The following GLI4 variants were observed in gnomAD, a reference collection of about 807,000 sequenced individuals.
GLI4 encodes zinc finger protein GLI4.
A neutral mutation model predicts 30.9 loss-of-function variants in GLI4; 34 were observed. The ratio of observed to expected loss-of-function variants is 1.10; its 90% confidence interval spans 0.84 to 1.47. The LOEUF is 1.47. Among genes scored for constraint, GLI4 ranks in the 40% most tolerant of loss-of-function variants. The probability of loss-of-function intolerance (pLI) is 0.00; values close to 1 mark genes in which losing one functional copy is unlikely to be tolerated. For missense variants in GLI4, 696 were observed against 538.9 expected (o/e 1.29, Z -2.89); for synonymous variants, 277 against 236.7 (o/e 1.17, Z -1.56).
chr8:143,275,783 CCTT>C (rs1183208555), intron 3 of GLI4, 111 bp from the exon 4 acceptor site: 3 of 1,242,294 alleles, frequency 2.4e-6, no homozygotes, highest in Non-Finnish European at 2.0e-6. Context: ...CCTGGCCCCT[CCTT>C]GTCCCCTCTA....
chr8:143,274,322 T>G (rs1233488517), intron 2 of GLI4: 1 of 164,778 alleles, frequency 6.1e-6, no homozygotes, highest in East Asian at 1.7e-4. Context: ...GCCAGCACTT[T>G]GAGAGGCCGG....
intron 1 of GLI4, among the ~76,000 whole-genome samples, chr8:143,268,852 GC>G (rs1209324581): frequency 8.3e-4 from 122 of 146,850 alleles, no homozygotes; most frequent in African/African-American, 2.7e-3. Flanking sequence ...TGCTGCTGCT[GC>G]TGCTGCTGTT....
At chr8:143,268,547 TC>T (rs1815191742) in intron 1 of GLI4, among the ~76,000 whole-genome samples, 1 of 152,162 alleles carries the variant, frequency 6.6e-6, no homozygotes, top group Non-Finnish European at 1.5e-5. Flanking sequence ...AGAGTTGCCC[TC>T]TGGAAACGTC....
chr8:143,276,771 C>T lies in GLI4; in HGVS notation c.1098C>T (p.Leu366=), dbSNP rs1299481203. The change falls in exon 4 of 4, where the codon CTC becomes CTT. Residue 366 remains leucine, a synonymous_variant. Transcript: ENST00000340042. ...AGGCCTTCGGCCAGAGCTCCCAGCTCATCCAGCACCAGCGGGTGCACTACC... is the reference window on the plus strand; with the variant it reads ...AGGCCTTCGGCCAGAGCTCCCAGCTTATCCAGCACCAGCGGGTGCACTACC... ...CGKAFGQSSQ[L]IQHQRVHYRE The T allele has an allele frequency of 1.3e-6, 2 of 1,595,604 alleles. No homozygotes were observed. The highest frequency in any genetic ancestry group is 2.3e-5 in the East Asian group (1 of 44,352).
rs1815374484 is a variant in GLI4 at position 143,275,929 on chromosome 8, T to C, written c.256T>C (p.Ser86Pro). The change falls in exon 4 of 4, where the codon TCT becomes CCT. Residue 86 changes from serine to proline, a missense_variant. Transcript: ENST00000340042. ...SEPKPEQAPRSPGSQAPDEGA... is the reference protein window; with the variant it reads ...SEPKPEQAPRPPGSQAPDEGA... ...GCCCAAGCCGGAGCAGGCTCCACGCTCTCCTGGCTCTCAGGCCCCTGACGA... is the reference window on the plus strand; with the variant it reads ...GCCCAAGCCGGAGCAGGCTCCACGCCCTCCTGGCTCTCAGGCCCCTGACGA... 3 of 1,320,310 alleles carry C rather than the reference T, an allele frequency of 2.3e-6. No homozygotes were observed. The African/African-American group carries it at 4.6e-5, about 20-fold the overall frequency. 81.8% of individuals were successfully genotyped at this position (1,320,310 alleles called of 1,614,324 possible).
chr8:143,271,664 T>C (rs1815270635), intron 2 of GLI4, among the ~76,000 whole-genome samples: 1 of 152,110 alleles, frequency 6.6e-6, no homozygotes, highest in South Asian at 2.1e-4. Flanking sequence ...TGTGGTCACC[T>C]CAGGAGCCTC....
At position 143,275,540 on chromosome 8, in the gene GLI4, G is replaced by A. The variant is rs940762347; in HGVS notation, c.224-357G>A. The A allele has an allele frequency of 5.5e-6, 7 of 1,261,420 alleles. No individual in the cohort carries two copies. In the African/African-American group the frequency reaches 7.7e-5, roughly 14 times the overall value. The allele number at this position is 1,261,420 out of a possible 1,614,324, so 78.1% of individuals were successfully genotyped here. A position where few individuals can be genotyped will look rare whatever the true frequency, so the allele number is the denominator to read the frequency against. ...TTGAGGCGCCCTCTGGAGCTCTGGC[G>A]TCCCCCAGGCTCCGGGTCCTCACCA... On this transcript the variant is annotated intron_variant, in intron 3 of 3. Transcript: ENST00000340042.
In GLI4 at chr8:143,274,812, C is replaced by G; in HGVS notation, c.223+10C>G. On this transcript the variant is annotated intron_variant, in intron 3 of 3. Coordinates refer to ENST00000340042, the MANE Select transcript of GLI4 (RefSeq NM_138465.4). Reference sequence around the variant, plus strand: ...GACACCTTCTGGCCCGGTGAGTGAGCAGAATCGGGTTACTGGGGGACCAGA... The same window carrying G: ...GACACCTTCTGGCCCGGTGAGTGAGGAGAATCGGGTTACTGGGGGACCAGA... 6.5e-7 allele frequency: 1 copy of G among 1,547,652 alleles called. No homozygotes were observed. The highest frequency in any genetic ancestry group is 8.8e-7 in the Non-Finnish European group (1 of 1,141,664).
Position 143,274,736 on chromosome 8 carries a change from C to T in GLI4, c.157C>T (p.Gln53Ter), listed in dbSNP as rs747012815. Residue 53 changes from glutamine (Q) to a stop codon, truncating the protein, a stop_gained, in exon 3 of 4, where the codon CAG becomes TAG. Transcript: ENST00000340042. LOFTEE classifies it high-confidence loss of function. ...SPGSSPKVLS[Q>*]PSDLDLQDVE... ...TGGCTCCAGCCCTAAGGTGCTCTCC[C>T]AGCCGTCCGACCTGGATCTCCAAGA... 5 of 1,567,906 alleles carry T rather than the reference C, an allele frequency of 3.2e-6. No individual in the cohort carries two copies. Among genetic ancestry groups the T allele is most frequent in the Non-Finnish European group, 4.3e-6 (5 of 1,154,860 alleles).
chr8:143,268,872 C>G (rs879460723), intron 1 of GLI4, among the ~76,000 whole-genome samples: 1 of 22,554 alleles, frequency 4.4e-5, no homozygotes, highest in Admixed American at 6.0e-4. Flanking sequence ...TTGTTTGAGT[C>G]TTGCTGTGTC....
intron 3 of GLI4, chr8:143,275,384 C>T: frequency 2.9e-6 from 4 of 1,400,042 alleles, no homozygotes; most frequent in Non-Finnish European, 3.7e-6. Flanking sequence ...GAAAGAGACC[C>T]TGGGCCAGAG....
At chr8:143,268,918 A>G (rs1815204308) in intron 1 of GLI4, among the ~76,000 whole-genome samples, 2 of 149,424 alleles carry the variant, frequency 1.3e-5, no homozygotes, top group South Asian at 4.2e-4. Flanking sequence ...ATCTCGGCTC[A>G]CTGCAACCTC....
chr8:143,272,798 A>G (rs1423811601), intron 2 of GLI4, among the ~76,000 whole-genome samples: 1 of 152,076 alleles, frequency 6.6e-6, no homozygotes, highest in Non-Finnish European at 1.5e-5. Flanking sequence ...TCCCCTAGAG[A>G]AGGTCCTAGG....
At chr8:143,275,057 G>A in intron 3 of GLI4, 2 of 1,533,948 alleles carry the variant, frequency 1.3e-6, no homozygotes, top group Admixed American at 2.0e-5. Flanking sequence ...ACTCCTGCCG[G>A]CCCCAGCTGG....
chr8:143,269,446 T>C lies in GLI4; in HGVS notation c.50T>C (p.Val17Ala). The change falls in exon 2 of 4, where the codon GTC (valine) becomes GCC (alanine). Residue 17 changes from valine to alanine, a missense_variant. By Grantham distance (64) the Val-to-Ala change is moderately conservative. Coordinates refer to ENST00000340042, the MANE Select transcript of GLI4 (RefSeq NM_138465.4). ...IQESPSVPSP[V>A]SLSSPGTPGT... is the part of the protein sequence containing the mutation. ...GAGTCCCCTTCTGTCCCGTCCCCTGTCAGTCTCTCATCACCGGGGACACCT... is the reference window on the plus strand; with the variant it reads ...GAGTCCCCTTCTGTCCCGTCCCCTGCCAGTCTCTCATCACCGGGGACACCT... The C allele has an allele frequency of 6.2e-7, 1 of 1,610,462 alleles. No homozygotes were observed. The highest frequency in any genetic ancestry group is 8.5e-7 in the Non-Finnish European group (1 of 1,177,176).
At chr8:143,269,908 G>A (rs145400778) in intron 2 of GLI4, among the ~76,000 whole-genome samples, 32 of 152,354 alleles carry the variant, frequency 2.1e-4, no homozygotes, top group African/African-American at 6.5e-4. Context: ...TGCCAAGCTG[G>A]TTTGGGTGTG....
At chr8:143,274,571 C>G in intron 2 of GLI4, 133 bp from the exon 3 acceptor site, 1 of 801,696 alleles carries the variant, frequency 1.2e-6, no homozygotes. Context: ...AAGCAGCGGG[C>G]CTGCTGTTGG....
intron 2 of GLI4, among the ~76,000 whole-genome samples, chr8:143,271,871 T>G (rs1815275699): frequency 6.6e-6 from 1 of 152,176 alleles, no homozygotes; most frequent in African/African-American, 2.4e-5. Flanking sequence ...GCCCAAGCCT[T>G]GCAGAGCGGG....
At position 143,276,536 on chromosome 8, in the gene GLI4, T is replaced by G; in HGVS notation, c.863T>G (p.Leu288Arg). 2 of 1,612,438 alleles carry G rather than the reference T, an allele frequency of 1.2e-6. No individual in the cohort carries two copies. The highest frequency in any genetic ancestry group is 1.7e-6 in the Non-Finnish European group (2 of 1,179,758). ...TCCAACCTGGTGCGCCACCAGCGGC[T>G]GCACACGGGTGAGAAGCCCTACGCC... Reference protein sequence around the residue: ...QSSNLVRHQRLHTGEKPYACS... With the variant: ...QSSNLVRHQRRHTGEKPYACS... Residue 288 changes from leucine to arginine, a missense_variant, in exon 4 of 4, where the codon CTG becomes CGG. Leu to Arg is a moderately radical substitution (Grantham distance 102, BLOSUM62 -2). Coordinates refer to ENST00000340042, the MANE Select transcript of GLI4 (RefSeq NM_138465.4).
Sources: allele counts gnomAD v4.1 joint callset (sites outside exome capture counted in the v4.1 genomes callset), GRCh38; gene constraint gnomAD v4.1.1; transcripts MANE v1.5; gene names NCBI Gene and HGNC (gene_info 2026-07-23, HGNC 2026-07-21).